ARHGEF28: variants seen among roughly 807,000 people sequenced by gnomAD.
The protein encoded by ARHGEF28 is 190 kDa guanine nucleotide exchange factor.
In ARHGEF28, 152 loss-of-function variants were observed where a neutral mutation model predicts 206.6. The ratio of observed to expected loss-of-function variants is 0.74; its 90% CI spans 0.64 to 0.84. The LOEUF is 0.84. Ranked by LOEUF, ARHGEF28 falls within the 40% of genes least tolerant of loss-of-function variation. The pLI, the probability that ARHGEF28 is intolerant of heterozygous loss-of-function variation, is 0.00. For missense variants in ARHGEF28, 2,028 were observed against 2,073.2 expected, an observed-to-expected ratio of 0.98 and a Z score of 0.42; for synonymous variants, 763 against 776.4, an observed-to-expected ratio of 0.98 and a Z score of 0.29.
intron 2 of ARHGEF28, among the ~76,000 whole-genome samples, chr5:73,737,438 CCTTCTTTTCTTTTCTTTTCTTTT>C (rs1751017295): frequency 1.1e-5 from 1 of 92,130 alleles, no homozygotes; most frequent in African/African-American, 3.7e-5. Context: ...GAGCCCTCTT[CCTTCTTTTCTTTTCTTTTCTTTT>C]CTTTTCTTTT....
rs565925682 is a variant in ARHGEF28, at chr5:73,837,745, G to GTTT, written c.1147-2723_1147-2721dup. On this transcript the variant is annotated intron_variant, in intron 10 of 35. Transcript: ENST00000513042. ...TTCCTTCCTTTCTTTCTTTCGTTTT[G>GTTT]TTTTTTTTTTTTTTGAGACAGAGTC... Among the ~76,000 whole-genome samples, 19 of 132,654 alleles carry GTTT rather than the reference G, an allele frequency of 1.4e-4. 1 individual carries two copies. Among genetic ancestry groups the GTTT allele is most frequent in the Middle Eastern group, 4.1e-3 (1 of 244 alleles). The allele number at this position is 132,654 out of a possible 152,430, so 87.0% of individuals were successfully genotyped here.
At chr5:73,899,699 G>C (rs1161686110) in intron 30 of ARHGEF28, 1 of 152,220 alleles carries the variant, frequency 6.6e-6, no homozygotes. Context: ...TTGGAGAACT[G>C]GGCTCTTCTT....
At position 73,898,456 on chromosome 5, in the gene ARHGEF28, G is replaced by A. The variant is rs189172645; in HGVS notation, c.3973+363G>A. The A allele has an allele frequency of 2.9e-3, 473 of 165,746 alleles. 5 individuals carry two copies. Among genetic ancestry groups the A allele is most frequent in the African/African-American group, 0.01 (435 of 42,084 alleles). 10.3% of individuals were successfully genotyped at this position (165,746 alleles called of 1,614,324 possible). A position where few individuals can be genotyped will look rare whatever the true frequency, so the allele number is the denominator to read the frequency against. Reference sequence around the variant, plus strand: ...GGTTTTTTAAAAAAGGAGTCCCTGCGGTCAATTACAGAACAAGCCCTTAAA... The same window carrying A: ...GGTTTTTTAAAAAAGGAGTCCCTGCAGTCAATTACAGAACAAGCCCTTAAA... On this transcript the variant is annotated intron_variant, in intron 30 of 35. Coordinates refer to ENST00000513042, the MANE Select transcript of ARHGEF28 (RefSeq NM_001177693.2).
At chr5:73,857,903 T>C in intron 15 of ARHGEF28, 124 bp downstream of exon 15, 2 of 1,392,926 alleles carry the variant, frequency 1.4e-6, no homozygotes, top group South Asian at 1.5e-5. Context: ...ATATTTCTTA[T>C]GGAATATTGC....
intron 2 of ARHGEF28, among the ~76,000 whole-genome samples, chr5:73,731,219 T>C (rs1017398844): frequency 6.6e-6 from 1 of 152,088 alleles, no homozygotes; most frequent in Admixed American, 6.6e-5. Context: ...GGTCAAAAGG[T>C]TTGGAGTTGT....
chr5:73,902,839 A>G (rs1472674129), intron 31 of ARHGEF28: 4 of 152,066 alleles, frequency 2.6e-5, no homozygotes, highest in Non-Finnish European at 2.9e-5. Flanking sequence ...GCACAGTCCA[A>G]CTCATTTCTA....
intron 11 of ARHGEF28, among the ~76,000 whole-genome samples, chr5:73,844,829 C>G (rs1227481556): frequency 1.3e-5 from 2 of 149,702 alleles, no homozygotes; most frequent in African/African-American, 4.9e-5. Flanking sequence ...AACATGCACC[C>G]AGGAAAGCTG....
Position 73,710,437 on chromosome 5 carries a change from T to C in ARHGEF28, c.33+25553T>C, listed in dbSNP as rs193193913. On this transcript the variant is annotated intron_variant, in intron 2 of 35. Coordinates refer to ENST00000513042, the MANE Select transcript of ARHGEF28 (RefSeq NM_001177693.2). ...CTTGTTGAGATGTAAGGGTCCTGGA[T>C]ACAGCTTCCTTTTCAGATATGTGAT... 2.6e-3 allele frequency among the ~76,000 whole-genome samples: 403 copies of C among 152,358 alleles called. 1 individual carries two copies. The highest frequency in any genetic ancestry group is 3.7e-3 in the Non-Finnish European group (251 of 68,034).
chr5:73,852,038 G>T (rs926408983), intron 13 of ARHGEF28, among the ~76,000 whole-genome samples: 2 of 152,046 alleles, frequency 1.3e-5, no homozygotes, highest in African/African-American at 4.8e-5. Flanking sequence ...CACCCCTGTA[G>T]TAAGTATTTC....
chr5:73,691,636 T>C (rs2112265213), intron 2 of ARHGEF28, among the ~76,000 whole-genome samples: 1 of 152,334 alleles, frequency 6.6e-6, no homozygotes, highest in Non-Finnish European at 1.5e-5. Flanking sequence ...TGCAAACATT[T>C]TCATGTTCTT....
In ARHGEF28 at chr5:73,770,542, G is replaced by T. The variant is rs185140666; in HGVS notation, c.476-3313G>T. Reference sequence around the variant, plus strand: ...AGGAAGAGACATTTATTTAGTTTAAGAAATTATTTTAAACACTCCCACCTC... The same window carrying T: ...AGGAAGAGACATTTATTTAGTTTAATAAATTATTTTAAACACTCCCACCTC... On this transcript the variant is annotated intron_variant, in intron 4 of 35. Coordinates refer to ENST00000513042, the MANE Select transcript of ARHGEF28 (RefSeq NM_001177693.2). 1.3e-3 allele frequency among the ~76,000 whole-genome samples: 192 copies of T among 152,288 alleles called. 1 individual carries two copies. Among genetic ancestry groups the T allele is most frequent in the African/African-American group, 4.0e-3 (166 of 41,558 alleles).
chr5:73,925,986 G>T (rs955974829), intron 35 of ARHGEF28, among the ~76,000 whole-genome samples: 1 of 152,168 alleles, frequency 6.6e-6, no homozygotes, highest in Non-Finnish European at 1.5e-5. Flanking sequence ...GCTAGGATAG[G>T]TGTCTGTTTA....
At chr5:73,940,742 A>T (rs1400620154) in intron 35 of ARHGEF28, 102 bp from the exon 36 acceptor site, 4 of 1,087,630 alleles carry the variant, frequency 3.7e-6, no homozygotes, top group Non-Finnish European at 4.8e-6. Flanking sequence ...GGCTGACTAT[A>T]TGGGCACTGC....
intron 9 of ARHGEF28, among the ~76,000 whole-genome samples, chr5:73,799,810 C>T (rs1565005): frequency 0.43 from 64,719 of 151,822 alleles, 14,035 homozygotes; most frequent in Non-Finnish European, 0.47. Context: ...GAGACACTCC[C>T]TATAGGTGAT....
chr5:73,710,421 A>C (rs1749170262), intron 2 of ARHGEF28, among the ~76,000 whole-genome samples: 1 of 152,040 alleles, frequency 6.6e-6, no homozygotes, highest in African/African-American at 2.4e-5. Flanking sequence ...TCTTGTTGAG[A>C]TGTAAGGGTC....
intron 4 of ARHGEF28, among the ~76,000 whole-genome samples, chr5:73,762,717 A>G (rs1752673731): frequency 6.6e-6 from 1 of 151,782 alleles, no homozygotes; most frequent in Non-Finnish European, 1.5e-5. Context: ...GCTTTAATGT[A>G]TTTTTCCTTG....
intron 2 of ARHGEF28, among the ~76,000 whole-genome samples, chr5:73,739,848 TAAATA>T (rs1751259926): frequency 9.1e-5 from 13 of 143,130 alleles, no homozygotes; most frequent in African/African-American, 2.8e-4. Context: ...AATAAATAAA[TAAATA>T]AATAAATAAA....
chr5:73,797,453 T>G (rs1385194964), intron 9 of ARHGEF28, among the ~76,000 whole-genome samples: 1 of 152,254 alleles, frequency 6.6e-6, no homozygotes, highest in Non-Finnish European at 1.5e-5. Flanking sequence ...CAGGCTGGCA[T>G]GCAGTGGCGC....
At chr5:73,830,888 A>G (rs1373143691) in intron 9 of ARHGEF28, among the ~76,000 whole-genome samples, 1 of 152,162 alleles carries the variant, frequency 6.6e-6, no homozygotes, top group Non-Finnish European at 1.5e-5. Flanking sequence ...GCAGTGGGAC[A>G]TGTGACATTT....
Sources: gnomAD v4.1 joint callset for allele counts (sites outside exome capture counted in the v4.1 genomes callset) on GRCh38, gnomAD v4.1.1 for gene constraint, MANE v1.5 for transcripts, NCBI Gene and HGNC (gene_info 2026-07-23, HGNC 2026-07-21) for gene names.